CFAP61: variants seen among roughly 807,000 people sequenced by gnomAD.
CFAP61 encodes cilia and flagella associated protein 61, also known as cilia- and flagella-associated protein 61.
Under a neutral mutation model 135.6 loss-of-function variants are expected in CFAP61, and 107 were observed. That is an observed-to-expected ratio of 0.79 (90% confidence interval 0.67 to 0.93). CFAP61 has a LOEUF of 0.93. Ranked by LOEUF, CFAP61 falls within the 40% of genes least tolerant of loss-of-function variation. The pLI is 0.00. For missense variants in CFAP61, 1,507 were observed against 1,556.2 expected (o/e 0.97, Z 0.53); for synonymous variants, 575 against 578.5 (o/e 0.99, Z 0.09).
At chr20:20,215,855 A>G (rs982283019) in intron 17 of CFAP61, among the ~76,000 whole-genome samples, 6 of 152,190 alleles carry the variant, frequency 3.9e-5, no homozygotes, top group African/African-American at 1.2e-4. Context: ...AAATAAAAAA[A>G]CTTCATATTC....
intron 2 of CFAP61, among the ~76,000 whole-genome samples, chr20:20,059,023 G>A (rs1407536227): frequency 6.6e-6 from 1 of 151,994 alleles, no homozygotes; most frequent in Non-Finnish European, 1.5e-5. Context: ...AATAAAAAAG[G>A]TAGGTTTAAA....
At chr20:20,287,182 A>G (rs933832912) in intron 22 of CFAP61, among the ~76,000 whole-genome samples, 1 of 152,156 alleles carries the variant, frequency 6.6e-6, no homozygotes, top group Admixed American at 6.5e-5. Flanking sequence ...GGTAAGAGTT[A>G]TAAGACAGAA....
chr20:20,297,816 A>G (rs1396376857), intron 24 of CFAP61, among the ~76,000 whole-genome samples: 2 of 152,260 alleles, frequency 1.3e-5, no homozygotes, highest in Non-Finnish European at 2.9e-5. Flanking sequence ...TCTCAAAACG[A>G]TGCTGTGAAA....
At chr20:20,074,071 A>C (rs1251285131) in intron 3 of CFAP61, 1 of 559,166 alleles carries the variant, frequency 1.8e-6, no homozygotes, top group Non-Finnish European at 3.2e-6. Flanking sequence ...ACTCATTTAC[A>C]GTCCCTGTTT....
intron 25 of CFAP61, among the ~76,000 whole-genome samples, chr20:20,310,171 T>C (rs1380310738): frequency 1.3e-5 from 2 of 152,140 alleles, no homozygotes; most frequent in Non-Finnish European, 2.9e-5. Flanking sequence ...TTTTTGTATT[T>C]TTAGTAGAGA....
intron 17 of CFAP61, among the ~76,000 whole-genome samples, chr20:20,218,671 G>C (rs770224342): frequency 2.0e-5 from 3 of 152,134 alleles, no homozygotes; most frequent in Non-Finnish European, 4.4e-5. Flanking sequence ...TTGTTTACTT[G>C]TCTGTCCCCC....
intron 21 of CFAP61, among the ~76,000 whole-genome samples, chr20:20,267,074 A>G (rs2052815576): frequency 6.6e-6 from 1 of 152,216 alleles, no homozygotes; most frequent in Non-Finnish European, 1.5e-5. Context: ...ATCCGTGTAC[A>G]CCAGGTGCCA....
intron 24 of CFAP61, among the ~76,000 whole-genome samples, chr20:20,294,937 A>AAT (rs2055297457): frequency 2.0e-3 from 287 of 142,906 alleles, no homozygotes; most frequent in African/African-American, 7.1e-3. Flanking sequence ...TCCGTCTCAA[A>AAT]AATAATAATA....
intron 6 of CFAP61, among the ~76,000 whole-genome samples, chr20:20,082,346 T>C (rs6046605): frequency 0.67 from 101,411 of 152,136 alleles, 34,087 homozygotes; most frequent in East Asian, 0.82. Context: ...TCCCCTGTCC[T>C]GTTTCTTTGA....
intron 8 of CFAP61, among the ~76,000 whole-genome samples, chr20:20,140,251 G>T (rs1176394226): frequency 6.8e-6 from 1 of 146,554 alleles, no homozygotes; most frequent in Admixed American, 7.0e-5. Flanking sequence ...GTGCAGGTTT[G>T]TTACATATGT....
chr20:20,228,967 A>T (rs2048934771), intron 18 of CFAP61, among the ~76,000 whole-genome samples: 1 of 152,228 alleles, frequency 6.6e-6, no homozygotes, highest in African/African-American at 2.4e-5. Flanking sequence ...TTCATACATT[A>T]CAAATACACT....
At position 20,098,657 on chromosome 20, in the gene CFAP61, G is replaced by A. The variant is rs545870437; in HGVS notation, c.702G>A (p.Val234=). ...ATGAGGTGTTTTGGATATTTCAGGTGGAAGGCACAGCTGTTGGGTTCATGA... is the reference window on the plus strand; with the variant it reads ...ATGAGGTGTTTTGGATATTTCAGGTAGAAGGCACAGCTGTTGGGTTCATGA... ...DEENHAVVCE[V]EGTAVGFMSV... is the part of the protein sequence containing the mutation. The change falls in exon 8 of 27, where the codon GTG becomes GTA. Residue 234 remains valine (V), a splice_region_variant and synonymous_variant. Transcript: ENST00000245957. The A allele has an allele frequency of 3.2e-6, 5 of 1,582,948 alleles. No individual in the cohort carries two copies. Among genetic ancestry groups the A allele is most frequent in the African/African-American group, 2.8e-5 (2 of 72,508 alleles).
chr20:20,234,970 C>T lies in CFAP61; in HGVS notation c.2060+6594C>T, dbSNP rs75652666. Among the ~76,000 whole-genome samples, 593 of 152,264 alleles carry T rather than the reference C, an allele frequency of 3.9e-3. 1 individual carries two copies. Among genetic ancestry groups the T allele is most frequent in the Non-Finnish European group, 6.8e-3 (462 of 68,024 alleles). On this transcript the variant is annotated intron_variant, in intron 18 of 26. Transcript: ENST00000245957. ...AGGCCTAGTGCTGACACTTGTTAGA[C>T]GGACACCTCCCCACTAATTAAATTT...
At chr20:20,196,078 C>CAAACT (rs1393911903) in intron 15 of CFAP61, among the ~76,000 whole-genome samples, 1 of 152,176 alleles carries the variant, frequency 6.6e-6, no homozygotes, top group Non-Finnish European at 1.5e-5. Flanking sequence ...GATACTGTCT[C>CAAACT]AAACTAAACA....
At position 20,084,101 on chromosome 20, in the gene CFAP61, C is replaced by T. The variant is rs147795898; in HGVS notation, c.567-6743C>T. On this transcript the variant is annotated intron_variant, in intron 6 of 26. Transcript: ENST00000245957. Reference sequence around the variant, plus strand: ...ACGCCGATCTTAGGTTCTCCTACCCCATGTTGAGATGGTGTTCATGGTAAA... The same window carrying T: ...ACGCCGATCTTAGGTTCTCCTACCCTATGTTGAGATGGTGTTCATGGTAAA... Among the ~76,000 whole-genome samples the T allele has an allele frequency of 4.1e-4, 63 of 152,272 alleles. No homozygotes were observed. The East Asian group carries it at 9.1e-3, about 22-fold the overall frequency.
intron 25 of CFAP61, among the ~76,000 whole-genome samples, chr20:20,340,113 A>C (rs1169194101): frequency 1.3e-5 from 2 of 152,228 alleles, no homozygotes; most frequent in Non-Finnish European, 2.9e-5. Context: ...CCCGAGGCCC[A>C]GCCCTGGGCC....
intron 8 of CFAP61, among the ~76,000 whole-genome samples, chr20:20,134,182 A>C (rs2050751729): frequency 6.6e-6 from 1 of 152,256 alleles, no homozygotes; most frequent in Admixed American, 6.5e-5. Context: ...GCATCCACAT[A>C]GACTTCATAG....
intron 13 of CFAP61, among the ~76,000 whole-genome samples, chr20:20,183,045 A>G (rs963832177): frequency 5.3e-5 from 8 of 152,222 alleles, no homozygotes; most frequent in African/African-American, 1.9e-4. Context: ...TGCTGTTCTC[A>G]GCACCCAGTG....
At chr20:20,132,942 G>C (rs1048679551) in intron 8 of CFAP61, among the ~76,000 whole-genome samples, 3 of 151,914 alleles carry the variant, frequency 2.0e-5, no homozygotes, top group African/African-American at 7.3e-5. Context: ...TTTTAATCTA[G>C]TGTCATAATT....
Sources: gnomAD v4.1 joint callset for allele counts (sites outside exome capture counted in the v4.1 genomes callset) on GRCh38, gnomAD v4.1.1 for gene constraint, MANE v1.5 for transcripts, NCBI Gene and HGNC (gene_info 2026-07-23, HGNC 2026-07-21) for gene names.